The following CACHD1 variants were observed in gnomAD, a reference collection of about 807,000 sequenced individuals.
CACHD1 encodes cache domain containing 1, also known as VWFA and cache domain-containing protein 1.
In CACHD1, 71 loss-of-function variants were observed where a neutral mutation model predicts 138.7. That is an observed-to-expected ratio of 0.51 (90% CI 0.42 to 0.62). The LOEUF (loss-of-function observed/expected upper bound fraction) is 0.62. CACHD1 is among the 20% of genes least tolerant of loss of function. CACHD1 has a pLI of 0.00. For missense variants in CACHD1, 1,389 were observed against 1,625.3 expected, an observed-to-expected ratio of 0.85 and a Z score of 2.50; for synonymous variants, 578 against 591.5, an observed-to-expected ratio of 0.98 and a Z score of 0.33.
chr1:64,507,319 A>G (rs1646385071), intron 1 of CACHD1, among the ~76,000 whole-genome samples: 1 of 152,094 alleles, frequency 6.6e-6, no homozygotes, highest in Non-Finnish European at 1.5e-5. Flanking sequence ...CTGCCCCACT[A>G]TGTTATACAT....
At chr1:64,629,872 T>A (rs1366784559) in intron 5 of CACHD1, among the ~76,000 whole-genome samples, 1 of 152,198 alleles carries the variant, frequency 6.6e-6, no homozygotes, top group East Asian at 1.9e-4. Context: ...TCAACTTCCC[T>A]TTCTATGATG....
chr1:64,678,088 A>T, intron 22 of CACHD1, 71 bp from the exon 23 acceptor site: 1 of 1,495,032 alleles, frequency 6.7e-7, no homozygotes, highest in South Asian at 1.3e-5. Flanking sequence ...GAACTGTCTG[A>T]TGCCCACACT....
chr1:64,591,302 T>G (rs540574282), intron 3 of CACHD1, among the ~76,000 whole-genome samples: 2 of 152,228 alleles, frequency 1.3e-5, no homozygotes, highest in South Asian at 4.2e-4. Flanking sequence ...TATGGAGATA[T>G]GGAGGAAGAG....
chr1:64,679,559 C>G, intron 23 of CACHD1, 36 bp from the exon 24 acceptor site: 1 of 1,609,790 alleles, frequency 6.2e-7, no homozygotes, highest in African/African-American at 1.3e-5. Context: ...CTTGGGAAAT[C>G]TTAACAAGAA....
intron 4 of CACHD1, among the ~76,000 whole-genome samples, chr1:64,604,058 G>C (rs1340310076): frequency 2.0e-5 from 3 of 152,162 alleles, no homozygotes; most frequent in African/African-American, 7.2e-5. Flanking sequence ...GACACATAAA[G>C]CCGAAGAGAA....
chr1:64,610,378 C>T (rs1647486436), intron 4 of CACHD1, among the ~76,000 whole-genome samples: 1 of 152,188 alleles, frequency 6.6e-6, no homozygotes, highest in Non-Finnish European at 1.5e-5. Context: ...AAGGCAAGTC[C>T]CTTCCATCTA....
intron 1 of CACHD1, among the ~76,000 whole-genome samples, chr1:64,502,198 C>T (rs1303447919): frequency 6.6e-6 from 1 of 152,210 alleles, no homozygotes; most frequent in Non-Finnish European, 1.5e-5. Flanking sequence ...AGATGCCTTT[C>T]CCACAATGGA....
intron 1 of CACHD1, among the ~76,000 whole-genome samples, chr1:64,490,917 C>T (rs1646271030): frequency 6.6e-6 from 1 of 152,196 alleles, no homozygotes; most frequent in Admixed American, 6.5e-5. Flanking sequence ...CAAACATGGA[C>T]TGAAAACTCT....
chr1:64,686,816 A>G (rs1650386583), intron 26 of CACHD1, among the ~76,000 whole-genome samples: 3 of 152,248 alleles, frequency 2.0e-5, no homozygotes, highest in African/African-American at 7.2e-5. Context: ...AAAATACTTA[A>G]AAAGCAAATG....
Position 64,652,179 on chromosome 1 carries a change from G to A in CACHD1, c.1409G>A (p.Ser470Asn). The change falls in exon 10 of 27, where the codon AGT becomes AAT. Residue 470 changes from serine to asparagine, a missense_variant. Ser to Asn is a conservative substitution (Grantham distance 46). Coordinates refer to ENST00000651257, the MANE Select transcript of CACHD1 (RefSeq NM_020925.4). ...EMGDGLIMTV[S>N]KPCYFGNLLL... Reference sequence around the variant, plus strand: ...CCCATAGGTTTGATAATGACTGTGAGTAAACCCTGTTATTTTGGAAACCTA... The same window carrying A: ...CCCATAGGTTTGATAATGACTGTGAATAAACCCTGTTATTTTGGAAACCTA... 6.2e-7 allele frequency: 1 copy of A among 1,611,208 alleles called. No homozygotes were observed. The highest frequency in any genetic ancestry group is 1.1e-5 in the South Asian group (1 of 90,370).
chr1:64,566,640 T>C (rs1290234935), intron 2 of CACHD1, among the ~76,000 whole-genome samples: 3 of 151,878 alleles, frequency 2.0e-5, no homozygotes, highest in Non-Finnish European at 2.9e-5. Context: ...GTCTTTCGTT[T>C]TCCCCCAGCA....
rs1485080477 is a variant in CACHD1, at chr1:64,624,033, G to A, written c.518-5322G>A. ...GGGAAGCCCCCTCTGGGTTGCCTGTGTGGATAATAAGGCTCTCATTCACCT... is the reference window on the plus strand; with the variant it reads ...GGGAAGCCCCCTCTGGGTTGCCTGTATGGATAATAAGGCTCTCATTCACCT... On this transcript the variant is annotated intron_variant, in intron 4 of 26. Transcript: ENST00000651257. 2.6e-5 allele frequency among the ~76,000 whole-genome samples: 4 copies of A among 152,234 alleles called. No individual in the cohort carries two copies. The South Asian group carries it at 8.3e-4, about 31-fold the overall frequency.
In CACHD1 at chr1:64,567,817, C is replaced by G. The variant is rs188932974; in HGVS notation, c.262-14339C>G. ...ATATAAGATAAATAATATGTCTAAA[C>G]AATGTAAGTACTATGATGAAAACTT... On this transcript the variant is annotated intron_variant, in intron 2 of 26. Transcript: ENST00000651257. Among the ~76,000 whole-genome samples, 158 of 152,228 alleles carry G rather than the reference C, an allele frequency of 1.0e-3. 1 individual carries two copies. Among genetic ancestry groups the G allele is most frequent in the African/African-American group, 3.7e-3 (153 of 41,546 alleles).
At chr1:64,628,590 A>G (rs191441660) in intron 4 of CACHD1, among the ~76,000 whole-genome samples, 52 of 152,300 alleles carry the variant, frequency 3.4e-4, no homozygotes, top group African/African-American at 1.2e-3. Context: ...GACGCAGGTC[A>G]GTGGTAGGGA....
chr1:64,587,127 G>A (rs963372683), intron 3 of CACHD1, among the ~76,000 whole-genome samples: 7 of 152,108 alleles, frequency 4.6e-5, no homozygotes, highest in Non-Finnish European at 1.5e-5. Context: ...TGACCCAGTG[G>A]TATGATGGCT....
In CACHD1 at chr1:64,602,837, A is replaced by G; in HGVS notation, c.442A>G (p.Arg148Gly). 2 of 1,613,234 alleles carry G rather than the reference A, an allele frequency of 1.2e-6. No individual in the cohort carries two copies. Among genetic ancestry groups the G allele is most frequent in the Admixed American group, 1.7e-5 (1 of 59,926 alleles). ...TGGGAACTTTAATACCAATGTGTCTAGAACAATTAGTTGTGATCGACTTTC... is the reference window on the plus strand; with the variant it reads ...TGGGAACTTTAATACCAATGTGTCTGGAACAATTAGTTGTGATCGACTTTC... ...FDGNFNTNVS[R>G]TISCDRLSTT... is the part of the protein sequence containing the mutation. The change falls in exon 4 of 27, where the codon AGA (arginine) becomes GGA (glycine). Residue 148 changes from arginine (R) to glycine (G), a missense_variant. Transcript: ENST00000651257.
At chr1:64,564,051 G>T (rs1187116810) in intron 2 of CACHD1, among the ~76,000 whole-genome samples, 1 of 152,148 alleles carries the variant, frequency 6.6e-6, no homozygotes, top group African/African-American at 2.4e-5. Context: ...TGAACTGAGG[G>T]TACTTGGGGA....
intron 4 of CACHD1, among the ~76,000 whole-genome samples, chr1:64,625,050 T>C (rs545332189): frequency 6.6e-6 from 1 of 152,304 alleles, no homozygotes; most frequent in East Asian, 1.9e-4. Flanking sequence ...GACCTTATGG[T>C]CTGCAAAGCC....
intron 16 of CACHD1, among the ~76,000 whole-genome samples, chr1:64,667,502 A>T (rs1322600677): frequency 6.6e-6 from 1 of 152,224 alleles, no homozygotes; most frequent in Non-Finnish European, 1.5e-5. Context: ...CTCCCATCAT[A>T]TAAGATTTCA....
Sources: allele counts gnomAD v4.1 joint callset (sites outside exome capture counted in the v4.1 genomes callset), GRCh38; gene constraint gnomAD v4.1.1; transcripts MANE v1.5; gene names NCBI Gene and HGNC (gene_info 2026-07-23, HGNC 2026-07-21).